The following NLGN4X variants were observed in gnomAD, a reference collection of about 807,000 sequenced individuals.
The protein encoded by NLGN4X is neuroligin 4 X-linked, also known as neuroligin-4, X-linked.
NLGN4X carries 3 observed loss-of-function variants against 40.3 expected under a neutral mutation model. The observed-to-expected ratio is 0.07, with a 90% CI of 0.03 to 0.19. NLGN4X has a LOEUF of 0.19. Among genes scored for constraint, NLGN4X ranks in the 10% least tolerant of loss-of-function variants. The pLI is 1.00. For missense variants in NLGN4X, 382 were observed against 708.3 expected (o/e 0.54, Z 5.23); for synonymous variants, 270 against 306.8 (o/e 0.88, Z 1.25).
At chrX:6,149,564 C>T (rs1037444818) in intron 2 of NLGN4X, among the ~76,000 whole-genome samples, 3 of 111,497 alleles carry the variant, frequency 2.7e-5, no homozygotes, top group Non-Finnish European at 3.8e-5. Flanking sequence ...CTGTTAGGCA[C>T]GGAGACAGCT....
At chrX:6,068,449 T>C (rs1211645554) in intron 2 of NLGN4X, among the ~76,000 whole-genome samples, 3 of 111,470 alleles carry the variant, frequency 2.7e-5, no homozygotes, top group Non-Finnish European at 5.6e-5. Flanking sequence ...GAGTGTCTCC[T>C]GGGCTCTGCT....
chrX:5,933,257 C>T (rs557636899), intron 3 of NLGN4X, among the ~76,000 whole-genome samples: 1 of 111,196 alleles, frequency 9.0e-6, no homozygotes, highest in Admixed American at 9.6e-5. Flanking sequence ...ATATGAAATG[C>T]AAGCACAACC....
At position 6,137,672 on chromosome X, in the gene NLGN4X, T is replaced by A. The variant is rs556072078; in HGVS notation, c.472+13323A>T. 1.1e-4 allele frequency among the ~76,000 whole-genome samples: 12 copies of A among 112,165 alleles called. No individual in the cohort carries two copies. In the South Asian group the frequency reaches 4.5e-3, roughly 42 times the overall value. On this transcript the variant is annotated intron_variant, in intron 2 of 5. Coordinates refer to ENST00000381095, the MANE Select transcript of NLGN4X (RefSeq NM_181332.3). The stretch of plus-strand genomic sequence containing the variant: ...ATGATGATGGCGATGACTCTGATGA[T>A]ATTTTTGATGATGACAAGTAACTAC...
intron 3 of NLGN4X, among the ~76,000 whole-genome samples, chrX:5,919,860 G>A (rs2032961824): frequency 9.0e-6 from 1 of 111,710 alleles, no homozygotes; most frequent in Non-Finnish European, 1.9e-5. Context: ...ATTGAGTTGG[G>A]AGATATTTTT....
At chrX:6,188,757 T>A (rs967398348) in intron 1 of NLGN4X, among the ~76,000 whole-genome samples, 2 of 111,952 alleles carry the variant, frequency 1.8e-5, no homozygotes, top group African/African-American at 3.2e-5. Context: ...TTTTCAGGAA[T>A]GCCATGAAAG....
intron 2 of NLGN4X, among the ~76,000 whole-genome samples, chrX:6,065,398 T>C (rs777398175): frequency 2.3e-4 from 25 of 108,759 alleles, no homozygotes; most frequent in African/African-American, 7.7e-4. Flanking sequence ...GAAGAGTGGA[T>C]AGGAAAAGAT....
intron 2 of NLGN4X, among the ~76,000 whole-genome samples, chrX:6,046,952 T>C (rs2037338527): frequency 9.2e-6 from 1 of 108,109 alleles, no homozygotes; most frequent in South Asian, 3.8e-4. Context: ...ATACATTATA[T>C]ACTAATGCTT....
chrX:6,128,159 C>T (rs187328849), intron 2 of NLGN4X, among the ~76,000 whole-genome samples: 1 of 110,893 alleles, frequency 9.0e-6, no homozygotes, highest in African/African-American at 3.3e-5. Flanking sequence ...CCTGTGTGCC[C>T]GTGTGTCTTC....
intron 1 of NLGN4X, among the ~76,000 whole-genome samples, chrX:6,209,611 T>A (rs376437314): frequency 1.8e-5 from 2 of 111,829 alleles, no homozygotes; most frequent in East Asian, 5.6e-4. Context: ...AATTTAATAG[T>A]TTGTAAAATT....
chrX:5,923,684 C>T (rs1047898984), intron 3 of NLGN4X, among the ~76,000 whole-genome samples: 1 of 111,627 alleles, frequency 9.0e-6, no homozygotes, highest in African/African-American at 3.3e-5. Context: ...AGGGCCTGCC[C>T]CCATGATTCA....
intron 2 of NLGN4X, among the ~76,000 whole-genome samples, chrX:6,082,537 T>C: frequency 9.0e-6 from 1 of 110,759 alleles, no homozygotes; most frequent in Non-Finnish European, 1.9e-5. Flanking sequence ...TGAGACTCTG[T>C]CTCAAAACAT....
intron 1 of NLGN4X, among the ~76,000 whole-genome samples, chrX:6,213,086 G>A (rs1924760886): frequency 9.2e-6 from 1 of 109,112 alleles, no homozygotes; most frequent in South Asian, 4.2e-4. Context: ...TGGGCAGGGA[G>A]GGGAGAGTAC....
At chrX:6,058,202 A>G (rs1303143810) in intron 2 of NLGN4X, among the ~76,000 whole-genome samples, 1 of 111,423 alleles carries the variant, frequency 9.0e-6, no homozygotes, top group African/African-American at 3.3e-5. Flanking sequence ...ATATATATAT[A>G]AACACATGTA....
intron 2 of NLGN4X, among the ~76,000 whole-genome samples, chrX:6,101,850 C>G (rs1320094399): frequency 9.3e-6 from 1 of 107,742 alleles, no homozygotes; most frequent in Non-Finnish European, 1.9e-5. Flanking sequence ...CGCTCTGTCG[C>G]CCAGGCTGGA....
At chrX:5,929,582 G>A (rs2033471518) in intron 3 of NLGN4X, among the ~76,000 whole-genome samples, 1 of 112,029 alleles carries the variant, frequency 8.9e-6, no homozygotes, top group Admixed American at 9.4e-5. Flanking sequence ...GCACACATGT[G>A]TGCACACACA....
intron 3 of NLGN4X, among the ~76,000 whole-genome samples, chrX:5,927,954 C>G (rs140985259): frequency 8.9e-6 from 1 of 111,862 alleles, no homozygotes; most frequent in Non-Finnish European, 1.9e-5. Flanking sequence ...TTGTAGAATC[C>G]CAGTATATGG....
chrX:5,934,340 C>T (rs1490096448), intron 3 of NLGN4X, among the ~76,000 whole-genome samples: 1 of 111,292 alleles, frequency 9.0e-6, no homozygotes, highest in Non-Finnish European at 1.9e-5. Context: ...TTAGGTCAAA[C>T]TTTACATAAA....
rs748168297 is a variant in NLGN4X, at chrX:6,003,985, A to G, written c.625+25295T>C. On this transcript the variant is annotated intron_variant, in intron 3 of 5. Coordinates refer to ENST00000381095, the MANE Select transcript of NLGN4X (RefSeq NM_181332.3). ...CCCTCCCACAAGGGGTAGAGCAGCG[A>G]GTGAGCAGGGTTCACCCCCGCTGGC... Among the ~76,000 whole-genome samples the G allele has an allele frequency of 6.2e-5, 7 of 112,535 alleles. No homozygotes were observed. The East Asian group carries it at 2.0e-3, about 32-fold the overall frequency.
At chrX:6,095,386 C>T (rs1428250546) in intron 2 of NLGN4X, among the ~76,000 whole-genome samples, 2 of 111,755 alleles carry the variant, frequency 1.8e-5, no homozygotes, top group East Asian at 2.8e-4. Flanking sequence ...TCATAAGCTG[C>T]ACTTCAACTC....
Sources: gnomAD v4.1 joint callset for allele counts (sites outside exome capture counted in the v4.1 genomes callset) on GRCh38, gnomAD v4.1.1 for gene constraint, MANE v1.5 for transcripts, NCBI Gene and HGNC (gene_info 2026-07-23, HGNC 2026-07-21) for gene names.